The following C3orf33 variants were observed in gnomAD, a reference collection of about 807,000 sequenced individuals.
The protein encoded by C3orf33 is mitochondrial inner membrane subdomain organizer 1.
A neutral mutation model predicts 28.7 loss-of-function variants in C3orf33; 23 were observed. The ratio of observed to expected loss-of-function variants is 0.80; its 90% CI spans 0.58 to 1.13. C3orf33 has a LOEUF of 1.13. Among genes scored for constraint, C3orf33 ranks in the 50% most tolerant of loss-of-function variants. C3orf33 has a pLI of 0.00. For synonymous variants in C3orf33, 119 were observed against 120.5 expected (o/e 0.99, Z 0.08); for missense variants, 327 against 353.4 (o/e 0.93, Z 0.60).
chr3:155,805,850 TCCCCGAG>T, intron 1 of C3orf33: 1 of 514,574 alleles, frequency 1.9e-6, no homozygotes, highest in Non-Finnish European at 3.5e-6. Context: ...CCAGGTGGCA[TCCCCGAG>T]CTGGGCTGCG....
chr3:155,788,292 G>GA (rs1347077477), intron 2 of C3orf33, among the ~76,000 whole-genome samples: 2 of 151,526 alleles, frequency 1.3e-5, no homozygotes, highest in African/African-American at 4.8e-5. Flanking sequence ...AACTGATATA[G>GA]AAAAAAACCT....
Position 155,763,720 on chromosome 3 carries a change from T to G in C3orf33, c.682A>C (p.Lys228Gln). The part of the protein sequence containing the change: ...EDSEKESYLE[K>Q]FKDSWREIWK... The stretch of plus-strand genomic sequence containing the variant: ...ATTTCTCTCCAGGAATCTTTGAATT[T>G]TTCTAAGTAACTTTCTTTTTCAGAG... Residue 228 changes from lysine (K) to glutamine (Q), a missense_variant, in exon 5 of 5, where the codon AAA becomes CAA. Lys to Gln is a moderately conservative substitution (Grantham distance 53). Coordinates refer to ENST00000340171, the MANE Select transcript of C3orf33 (RefSeq NM_001308229.2). 1 of 1,595,700 alleles carries G rather than the reference T, an allele frequency of 6.3e-7. No homozygotes were observed. Among genetic ancestry groups the G allele is most frequent in the East Asian group, 2.2e-5 (1 of 44,714 alleles).
At chr3:155,773,870 A>C (rs1033563360) in intron 3 of C3orf33, among the ~76,000 whole-genome samples, 7 of 152,238 alleles carry the variant, frequency 4.6e-5, no homozygotes, top group African/African-American at 1.7e-4. Flanking sequence ...TAGAGCTGAG[A>C]TGGCCAAAGG....
intron 2 of C3orf33, among the ~76,000 whole-genome samples, chr3:155,787,117 C>T (rs905484621): frequency 2.6e-5 from 4 of 152,162 alleles, no homozygotes; most frequent in Non-Finnish European, 4.4e-5. Flanking sequence ...CAGACAAAGA[C>T]ACTGCAAGAA....
At chr3:155,777,336 T>A (rs1178162321) in intron 2 of C3orf33, among the ~76,000 whole-genome samples, 1 of 151,608 alleles carries the variant, frequency 6.6e-6, no homozygotes, top group Admixed American at 6.6e-5. Context: ...AAAAAAAAAA[T>A]CATAGTGACA....
intron 1 of C3orf33, among the ~76,000 whole-genome samples, chr3:155,803,472 G>C (rs762279832): frequency 1.3e-5 from 2 of 150,678 alleles, no homozygotes; most frequent in African/African-American, 2.4e-5. Flanking sequence ...GGCTAAGGCA[G>C]GAGAATCGTT....
intron 2 of C3orf33, among the ~76,000 whole-genome samples, chr3:155,793,838 TA>T (rs1751395135): frequency 9.1e-6 from 1 of 109,636 alleles, no homozygotes; most frequent in African/African-American, 2.9e-5. Flanking sequence ...CTAAAAAAAC[TA>T]AAAAAACTAA....
intron 3 of C3orf33, among the ~76,000 whole-genome samples, chr3:155,771,724 G>A (rs1262481184): frequency 6.6e-6 from 1 of 152,138 alleles, no homozygotes; most frequent in Non-Finnish European, 1.5e-5. Flanking sequence ...GAATTTTTTA[G>A]TTTTGTGTTA....
chr3:155,785,726 G>A (rs746172842), intron 2 of C3orf33, among the ~76,000 whole-genome samples: 3 of 152,056 alleles, frequency 2.0e-5, no homozygotes, highest in Non-Finnish European at 4.4e-5. Context: ...AACTGTAAAT[G>A]CTTAACTAAG....
chr3:155,802,419 A>C, intron 2 of C3orf33, 113 bp downstream of exon 2: 2 of 755,480 alleles, frequency 2.6e-6, no homozygotes, highest in Non-Finnish European at 4.5e-6. Context: ...AATACTATTT[A>C]AAAGCTACCA....
At chr3:155,788,158 T>G (rs188838706) in intron 2 of C3orf33, among the ~76,000 whole-genome samples, 95 of 149,448 alleles carry the variant, frequency 6.4e-4, no homozygotes, top group African/African-American at 1.8e-3. Flanking sequence ...GCCACTGCAC[T>G]CCAGCCTGGG....
rs567413800 is a variant in C3orf33, at chr3:155,769,399, A to G, written c.323-1730T>C. Among the ~76,000 whole-genome samples, 13 of 151,594 alleles carry G rather than the reference A, an allele frequency of 8.6e-5. No individual in the cohort carries two copies. In the East Asian group the frequency reaches 2.5e-3, roughly 29 times the overall value. On this transcript the variant is annotated intron_variant, in intron 3 of 4. Coordinates refer to ENST00000340171, the MANE Select transcript of C3orf33 (RefSeq NM_001308229.2). Reference sequence around the variant, plus strand: ...GCTACTCAGGAGGCTGAGGCACGAGAATCACTTCAATCTAGGAGGCAGAAG... The same window carrying G: ...GCTACTCAGGAGGCTGAGGCACGAGGATCACTTCAATCTAGGAGGCAGAAG...
chr3:155,793,864 A>G (rs1357428489), intron 2 of C3orf33, among the ~76,000 whole-genome samples: 1 of 150,544 alleles, frequency 6.6e-6, no homozygotes, highest in African/African-American at 2.4e-5. Context: ...GCTTTTCTAG[A>G]CATAGACAGT....
chr3:155,787,311 AC>A (rs1751150251), intron 2 of C3orf33, among the ~76,000 whole-genome samples: 1 of 140,740 alleles, frequency 7.1e-6, no homozygotes, highest in Non-Finnish European at 1.5e-5. Context: ...CGATCCTCCC[AC>A]CTCAGCCTCC....
intron 2 of C3orf33, among the ~76,000 whole-genome samples, chr3:155,783,088 T>A (rs1325179728): frequency 6.6e-6 from 1 of 152,184 alleles, no homozygotes; most frequent in African/African-American, 2.4e-5. Context: ...CTGATGATGC[T>A]ACTGTCCTGC....
At chr3:155,778,380 C>A (rs1750818221) in intron 2 of C3orf33, among the ~76,000 whole-genome samples, 1 of 152,026 alleles carries the variant, frequency 6.6e-6, no homozygotes, top group Non-Finnish European at 1.5e-5. Flanking sequence ...TAGGAAAAAT[C>A]CTTGCTCTTA....
chr3:155,803,816 A>C (rs2109285522), intron 1 of C3orf33, among the ~76,000 whole-genome samples: 1 of 151,986 alleles, frequency 6.6e-6, no homozygotes, highest in South Asian at 2.1e-4. Flanking sequence ...CAGGAGGTGG[A>C]GGTTGCAGTG....
intron 2 of C3orf33, among the ~76,000 whole-genome samples, chr3:155,782,729 C>T (rs1750964521): frequency 6.6e-6 from 1 of 152,174 alleles, no homozygotes; most frequent in Admixed American, 6.5e-5. Context: ...CAGACTTGCC[C>T]TGCAAGAAAT....
At position 155,765,615 on chromosome 3, in the gene C3orf33, T is replaced by G. The variant is rs546611653; in HGVS notation, c.484-1697A>C. Among the ~76,000 whole-genome samples the G allele has an allele frequency of 1.4e-3, 206 of 152,344 alleles. 1 individual carries two copies. The highest frequency in any genetic ancestry group is 4.8e-3 in the African/African-American group (200 of 41,578). ...CAGGCTGGAGTGCAGTGGCACGATCTCGGCTTACTGTAACCTCCGCCTCCA... is the reference window on the plus strand; with the variant it reads ...CAGGCTGGAGTGCAGTGGCACGATCGCGGCTTACTGTAACCTCCGCCTCCA... On this transcript the variant is annotated intron_variant, in intron 4 of 4. Coordinates refer to ENST00000340171, the MANE Select transcript of C3orf33 (RefSeq NM_001308229.2).
Sources: gnomAD v4.1 joint callset for allele counts (sites outside exome capture counted in the v4.1 genomes callset) on GRCh38, gnomAD v4.1.1 for gene constraint, MANE v1.5 for transcripts, NCBI Gene and HGNC (gene_info 2026-07-23, HGNC 2026-07-21) for gene names.